DAB1: variants seen among roughly 807,000 people sequenced by gnomAD.
DAB1 encodes the protein disabled homolog 1.
In DAB1, 15 loss-of-function variants were observed where a neutral mutation model predicts 64.6. The observed-to-expected ratio is 0.23, with a 90% CI of 0.16 to 0.36. DAB1 has a LOEUF of 0.36. Among genes scored for constraint, DAB1 ranks in the 10% least tolerant of loss-of-function variants. The pLI is 1.00. For missense variants in DAB1, 596 were observed against 706.7 expected (o/e 0.84, Z 1.78); for synonymous variants, 235 against 251.9 (o/e 0.93, Z 0.64).
chr1:57,755,862 C>A (rs1648780869), intron 6 of DAB1, among the ~76,000 whole-genome samples: 1 of 152,142 alleles, frequency 6.6e-6, no homozygotes, highest in African/African-American at 2.4e-5. Context: ...GCCAGTTTTT[C>A]TTTCTTAAAT....
chr1:57,634,522 T>C (rs900405758), intron 7 of DAB1, among the ~76,000 whole-genome samples: 7 of 152,224 alleles, frequency 4.6e-5, no homozygotes, highest in African/African-American at 2.4e-5. Flanking sequence ...ACTGCAGATA[T>C]GAAACCTAAC....
intron 9 of DAB1, among the ~76,000 whole-genome samples, chr1:57,042,860 TACAC>T (rs539308197): frequency 6.7e-6 from 1 of 149,980 alleles, no homozygotes; most frequent in Non-Finnish European, 1.5e-5. Flanking sequence ...CACACATACA[TACAC>T]ACACACACAC....
intron 5 of DAB1, among the ~76,000 whole-genome samples, chr1:58,126,811 G>A (rs962739286): frequency 2.6e-5 from 4 of 151,104 alleles, no homozygotes; most frequent in Non-Finnish European, 5.9e-5. Flanking sequence ...TGGCTGCATA[G>A]TATTCCATGG....
At chr1:57,158,731 T>C (rs1009375353) in intron 2 of DAB1, among the ~76,000 whole-genome samples, 24 of 152,078 alleles carry the variant, frequency 1.6e-4, no homozygotes, top group African/African-American at 5.6e-4. Context: ...ACTAGCTGGG[T>C]AGTGAGCAGA....
At chr1:57,463,231 C>A (rs775174156) in intron 7 of DAB1, among the ~76,000 whole-genome samples, 2 of 152,070 alleles carry the variant, frequency 1.3e-5, no homozygotes, top group Non-Finnish European at 2.9e-5. Flanking sequence ...CCATGTGGAA[C>A]AGGATTAATG....
At chr1:57,043,310 T>G (rs1007004305) in intron 9 of DAB1, among the ~76,000 whole-genome samples, 5 of 152,234 alleles carry the variant, frequency 3.3e-5, no homozygotes, top group African/African-American at 1.2e-4. Context: ...TCTTCCAGTC[T>G]CTATAAAGGC....
intron 4 of DAB1, among the ~76,000 whole-genome samples, chr1:58,194,809 A>G (rs1334367727): frequency 6.6e-6 from 1 of 152,184 alleles, no homozygotes; most frequent in Non-Finnish European, 1.5e-5. Flanking sequence ...CAGAGCCCCA[A>G]GAATCTAATT....
At chr1:58,000,349 C>G (rs865817495) in intron 5 of DAB1, among the ~76,000 whole-genome samples, 1 of 152,172 alleles carries the variant, frequency 6.6e-6, no homozygotes, top group Non-Finnish European at 1.5e-5. Context: ...AATTACCAGA[C>G]TGTAACAGCC....
chr1:58,283,295 A>G (rs556128271), intron 4 of DAB1, among the ~76,000 whole-genome samples: 1 of 152,224 alleles, frequency 6.6e-6, no homozygotes, highest in South Asian at 2.1e-4. Context: ...GGAGTAGAAA[A>G]TACCTTCTGC....
intron 4 of DAB1, among the ~76,000 whole-genome samples, chr1:58,154,992 G>A (rs1007468501): frequency 2.6e-5 from 4 of 152,188 alleles, no homozygotes; most frequent in African/African-American, 9.7e-5. Flanking sequence ...GAGACTTAGA[G>A]GAGAAAACCC....
intron 1 of DAB1, among the ~76,000 whole-genome samples, chr1:57,365,914 A>G (rs1270430733): frequency 6.6e-6 from 1 of 152,188 alleles, no homozygotes; most frequent in South Asian, 2.1e-4. Flanking sequence ...TGCTAGTTCT[A>G]AAAGAGAGGA....
At chr1:58,538,664 G>A (rs1646556114) in intron 1 of DAB1, 2 of 506,388 alleles carry the variant, frequency 3.9e-6, no homozygotes, top group Admixed American at 7.5e-5. Flanking sequence ...GGAGACAGGG[G>A]ATCTGGCAAG....
At chr1:58,438,193 GA>G (rs991906224) in intron 3 of DAB1, among the ~76,000 whole-genome samples, 8 of 152,178 alleles carry the variant, frequency 5.3e-5, no homozygotes, top group African/African-American at 1.9e-4. Flanking sequence ...CAGCTAGTTT[GA>G]GTTTTCTGTC....
intron 5 of DAB1, among the ~76,000 whole-genome samples, chr1:58,008,464 G>A (rs1460383376): frequency 6.6e-6 from 1 of 152,020 alleles, no homozygotes; most frequent in Non-Finnish European, 1.5e-5. Context: ...GGTTTTAAAG[G>A]GTAAGTTAGG....
At position 57,669,861 on chromosome 1, in the gene DAB1, C is replaced by T. The variant is rs115861732; in HGVS notation, n.552-20196G>A. ...CAGGCAAGAAGTCTGAAAAACAGTACAGGGATTTGAAGAATCTGCTGTTGA... is the reference window on the plus strand; with the variant it reads ...CAGGCAAGAAGTCTGAAAAACAGTATAGGGATTTGAAGAATCTGCTGTTGA... On this transcript the variant is annotated intron_variant and non_coding_transcript_variant, in intron 6 of 20. Transcript: ENST00000485760. Among the ~76,000 whole-genome samples, 1,034 of 152,202 alleles carry T rather than the reference C, an allele frequency of 6.8e-3. 4 individuals are homozygous for T. The highest frequency in any genetic ancestry group is 0.019 in the African/African-American group (810 of 41,546).
chr1:58,067,253 G>C (rs773264659), intron 5 of DAB1, among the ~76,000 whole-genome samples: 2 of 152,164 alleles, frequency 1.3e-5, no homozygotes, highest in Admixed American at 1.3e-4. Context: ...TAACTATGAC[G>C]AGGAGAGGGA....
chr1:57,232,163 G>GCCAA (rs1667724266), intron 2 of DAB1, among the ~76,000 whole-genome samples: 1 of 150,606 alleles, frequency 6.6e-6, no homozygotes, highest in Non-Finnish European at 1.5e-5. Context: ...TATACTTTAG[G>GCCAA]TTTTTATATG....
chr1:57,192,207 C>T (rs941710313), intron 2 of DAB1, among the ~76,000 whole-genome samples: 1 of 151,880 alleles, frequency 6.6e-6, no homozygotes, highest in Non-Finnish European at 1.5e-5. Context: ...GTCCCAGGTA[C>T]TTGGGAGGCT....
At chr1:57,776,017 T>C (rs1649781647) in intron 6 of DAB1, among the ~76,000 whole-genome samples, 1 of 151,840 alleles carries the variant, frequency 6.6e-6, no homozygotes, top group Non-Finnish European at 1.5e-5. Flanking sequence ...AAAATTAATA[T>C]AGTTTCTCTA....
Sources: gnomAD v4.1 joint callset for allele counts (sites outside exome capture counted in the v4.1 genomes callset) on GRCh38, gnomAD v4.1.1 for gene constraint, MANE v1.5 for transcripts, NCBI Gene and HGNC (gene_info 2026-07-23, HGNC 2026-07-21) for gene names.